KCNAB2: variants seen among roughly 807,000 people sequenced by gnomAD.
KCNAB2 encodes voltage-gated potassium channel subunit beta-2.
KCNAB2 carries 29 observed loss-of-function variants against 63.6 expected under a neutral mutation model. The ratio of observed to expected loss-of-function variants is 0.46; its 90% confidence interval spans 0.34 to 0.62. The LOEUF (loss-of-function observed/expected upper bound fraction) is 0.62. KCNAB2 is among the 20% of genes least tolerant of loss of function. The probability of loss-of-function intolerance (pLI) is 0.01; values close to 1 mark genes in which losing one functional copy is unlikely to be tolerated. For missense variants in KCNAB2, 359 were observed against 563.9 expected (o/e 0.64, Z 3.68); for synonymous variants, 222 against 224.2 (o/e 0.99, Z 0.09).
rs913821373 is a variant in KCNAB2, at chr1:6,087,361, G to T, written c.426-106G>T. 36 of 1,226,438 alleles carry T rather than the reference G, an allele frequency of 2.9e-5. No individual in the cohort carries two copies. Among genetic ancestry groups the T allele is most frequent in the South Asian group, 8.5e-5 (7 of 82,768 alleles). The allele number at this position is 1,226,438 out of a possible 1,614,324, so 76.0% of individuals were successfully genotyped here. ...ATTTCATGCCCCAGGCTCCTGGGTG[G>T]GAGGGCTTTCAGGACCTCTGTGTGA... is the stretch of plus-strand genomic sequence containing the variant. On this transcript the variant is annotated intron_variant, in intron 6 of 15. Transcript: ENST00000378083. The surrounding 1 kb of genome is among the most constrained non-coding windows in gnomAD (Gnocchi z 6.4).
At chr1:6,036,729 C>G (rs1660068736) in intron 1 of KCNAB2, among the ~76,000 whole-genome samples, 1 of 148,328 alleles carries the variant, frequency 6.7e-6, no homozygotes, top group African/African-American at 2.5e-5. Flanking sequence ...GATCGTGTCG[C>G]TGTGTGTGGA....
chr1:6,089,997 C>T (rs368063570), intron 8 of KCNAB2, among the ~76,000 whole-genome samples: 10 of 152,370 alleles, frequency 6.6e-5, no homozygotes, highest in Admixed American at 3.9e-4. Flanking sequence ...CCACCACGCC[C>T]GACCATAGAC....
intron 3 of KCNAB2, 75 bp downstream of exon 3, chr1:6,072,873 C>T (rs559809757): frequency 1.4e-6 from 2 of 1,454,954 alleles, no homozygotes; most frequent in Admixed American, 1.8e-5. Context: ...GAACTGGACA[C>T]CCCTTGGGAG....
chr1:6,066,329 A>G (rs1662749468), intron 2 of KCNAB2, among the ~76,000 whole-genome samples: 1 of 151,814 alleles, frequency 6.6e-6, no homozygotes, highest in Non-Finnish European at 1.5e-5. Context: ...GGCCTCCCCA[A>G]CTCCCCACCT....
Position 6,077,446 on chromosome 1 carries a change from G to A in KCNAB2, c.300+3676G>A, listed in dbSNP as rs1189052075. Among the ~76,000 whole-genome samples the A allele has an allele frequency of 5.9e-5, 9 of 152,322 alleles. No homozygotes were observed. The South Asian group carries it at 1.5e-3, about 25-fold the overall frequency. On this transcript the variant is annotated intron_variant, in intron 4 of 15. Coordinates refer to ENST00000378083, the MANE Select transcript of KCNAB2 (RefSeq NM_001199862.2). The stretch of plus-strand genomic sequence containing the variant: ...GCCTCTGGTCCTGCCAATCCCAGGC[G>A]CCACCCTGGATGTAGCTGGAATTGT...
At chr1:6,004,362 G>GA (rs1474692808) in intron 1 of KCNAB2, among the ~76,000 whole-genome samples, 10 of 152,010 alleles carry the variant, frequency 6.6e-5, no homozygotes, top group African/African-American at 2.4e-4. Context: ...CACCCAGCTT[G>GA]GTTAGAGGGT....
chr1:6,043,860 C>T (rs1394481810), upstream of KCNAB2, among the ~76,000 whole-genome samples: 2 of 152,216 alleles, frequency 1.3e-5, no homozygotes, highest in Admixed American at 6.5e-5. Flanking sequence ...AAACTCAGTG[C>T]CACGCAGCAA....
chr1:6,005,458 G>A (rs536415010), intron 1 of KCNAB2, among the ~76,000 whole-genome samples: 21 of 150,656 alleles, frequency 1.4e-4, no homozygotes, highest in African/African-American at 5.2e-4. Flanking sequence ...GGGTGAGGGT[G>A]GAGGCGGGGA....
chr1:6,041,505 C>G (rs1380539820), upstream of KCNAB2: 4 of 365,568 alleles, frequency 1.1e-5, no homozygotes, highest in Non-Finnish European at 2.1e-5. Flanking sequence ...TATTGCAAAG[C>G]AAGTCCTGAA....
Position 6,073,786 on chromosome 1 carries a change from C to A in KCNAB2, c.300+16C>A. 6.2e-7 allele frequency: 1 copy of A among 1,613,632 alleles called. No homozygotes were observed. The highest frequency in any genetic ancestry group is 1.1e-5 in the South Asian group (1 of 91,082). ...CACCGATGAGGTAAGATGGGGCTCT[C>A]CCAGCACCCCAGAACCCAGCACGGG... On this transcript the variant is annotated intron_variant, in intron 4 of 15. Transcript: ENST00000378083. This position sits in a 1 kb window ranked among gnomAD's most constrained non-coding sequence, Gnocchi z 5.7.
chr1:6,031,182 A>T (rs902070354), upstream of KCNAB2, among the ~76,000 whole-genome samples: 1 of 152,076 alleles, frequency 6.6e-6, no homozygotes, highest in African/African-American at 2.4e-5. The surrounding 1 kb of genome is among the most constrained non-coding windows in gnomAD (Gnocchi z 4.1). Context: ...CTCAGTCCTG[A>T]CCTTTCCTTG....
rs1665848075 is a variant in KCNAB2, at chr1:6,098,735, A to G, written c.*161A>G. 2 of 866,052 alleles carry G rather than the reference A, an allele frequency of 2.3e-6. No homozygotes were observed. Among genetic ancestry groups the G allele is most frequent in the Non-Finnish European group, 3.5e-6 (2 of 575,056 alleles). The allele number at this position is 866,052 out of a possible 1,614,324, so 53.6% of individuals were successfully genotyped here. A position where few individuals can be genotyped will look rare whatever the true frequency, so the allele number is the denominator to read the frequency against. ...ATGATCTCCCAAGTCGCTGCCAGAC[A>G]CCACCCACTGCTTCGCCGGACAATG... is the stretch of plus-strand genomic sequence containing the variant. On this transcript the variant is annotated 3_prime_UTR_variant, in exon 16 of 16. Transcript: ENST00000378083.
intron 1 of KCNAB2, among the ~76,000 whole-genome samples, chr1:6,026,618 G>T (rs531914102): frequency 6.5e-4 from 99 of 152,370 alleles, no homozygotes; most frequent in Admixed American, 2.7e-3. Flanking sequence ...TCAGCCTGGG[G>T]TGAGCTGACC....
At chr1:6,001,024 A>G (rs1025822027) in intron 1 of KCNAB2, among the ~76,000 whole-genome samples, 5 of 152,156 alleles carry the variant, frequency 3.3e-5, no homozygotes, top group Admixed American at 3.3e-4. Flanking sequence ...GTGGCCTCAC[A>G]GGCAGGGAGA....
At chr1:6,072,128 G>A (rs1663257137) in intron 2 of KCNAB2, among the ~76,000 whole-genome samples, 1 of 152,244 alleles carries the variant, frequency 6.6e-6, no homozygotes, top group Admixed American at 6.5e-5. Flanking sequence ...GTGGCCCCGG[G>A]AAGGAGCCCG....
At chr1:6,039,092 C>T (rs1239266206) in intron 1 of KCNAB2, among the ~76,000 whole-genome samples, 11 of 152,294 alleles carry the variant, frequency 7.2e-5, no homozygotes, top group East Asian at 3.9e-4. Context: ...GGCGTGGTGT[C>T]GGCCGGGGAG....
At position 5,996,603 on chromosome 1, in the gene KCNAB2, T is replaced by G. The variant is rs537076303; in HGVS notation, c.-53+3815T>G. On this transcript the variant is annotated intron_variant, in intron 1 of 16. Coordinates refer to the KCNAB2 transcript ENST00000341524. Reference sequence around the variant, plus strand: ...GGCACCTGTCTCCTTGCAGGCAGCCTCCTCCACTTCTCCAGCACACAGGTA... The same window carrying G: ...GGCACCTGTCTCCTTGCAGGCAGCCGCCTCCACTTCTCCAGCACACAGGTA... Among the ~76,000 whole-genome samples, 5 of 152,348 alleles carry G rather than the reference T, an allele frequency of 3.3e-5. No individual in the cohort carries two copies. The East Asian group carries it at 9.6e-4, about 29-fold the overall frequency.
chr1:6,018,086 C>T (rs890688214), intron 1 of KCNAB2, among the ~76,000 whole-genome samples: 14 of 152,050 alleles, frequency 9.2e-5, no homozygotes, highest in African/African-American at 2.7e-4. Flanking sequence ...AGCTGTAAAC[C>T]ACACCCAACT....
At chr1:6,017,804 C>T (rs1658599448) in intron 1 of KCNAB2, among the ~76,000 whole-genome samples, 1 of 150,296 alleles carries the variant, frequency 6.7e-6, no homozygotes, top group Admixed American at 6.6e-5. Context: ...AAAAAAAAAA[C>T]TTGGCCTCCC....
Sources: gnomAD v4.1 joint callset for allele counts (sites outside exome capture counted in the v4.1 genomes callset) on GRCh38, gnomAD v4.1.1 for gene constraint, Gnocchi (gnomAD v3.1) non-coding constraint, MANE v1.5 for transcripts, NCBI Gene and HGNC (gene_info 2026-07-23, HGNC 2026-07-21) for gene names.